Variants in ATP6V0C observed in about 807,000 individuals in gnomAD.
The protein encoded by ATP6V0C is V-type proton ATPase 16 kDa proteolipid subunit c.
Under a neutral mutation model 10.6 loss-of-function variants are expected in ATP6V0C, and 2 were observed. The ratio of observed to expected loss-of-function variants is 0.19; its 90% CI spans 0.08 to 0.59. ATP6V0C has a LOEUF of 0.59. Among genes scored for constraint, ATP6V0C ranks in the 20% least tolerant of loss-of-function variants. The pLI, the probability that ATP6V0C is intolerant of heterozygous loss-of-function variation, is 0.90. For missense variants in ATP6V0C, 89 were observed against 225.9 expected (o/e 0.39, Z 3.88); for synonymous variants, 128 against 101.3 (o/e 1.26, Z -1.59).
At chr16:2,517,196 T>A (rs2065880913) in intron 1 of ATP6V0C, 1 of 152,362 alleles carries the variant, frequency 6.6e-6, no homozygotes, top group Non-Finnish European at 1.5e-5. Context: ...TCTATATGCT[T>A]GCCAGGGAAA....
intron 1 of ATP6V0C, among the ~76,000 whole-genome samples, chr16:2,516,300 G>T (rs1389587688): frequency 6.6e-6 from 1 of 151,822 alleles, no homozygotes; most frequent in Non-Finnish European, 1.5e-5. Context: ...TTAGAGACAG[G>T]GTCTCGCCAT....
At chr16:2,514,229 G>C (rs1430664053) in intron 1 of ATP6V0C, 47 bp downstream of exon 1, 11 of 1,498,670 alleles carry the variant, frequency 7.3e-6, no homozygotes, top group Non-Finnish European at 9.8e-6. Flanking sequence ...CGCGCGCGTT[G>C]CTCATGCCCG....
Position 2,514,203 on chromosome 16 carries a change from G to T in ATP6V0C, c.79+21G>T, listed in dbSNP as rs1054062673. 9 of 1,534,510 alleles carry T rather than the reference G, an allele frequency of 5.9e-6. No individual in the cohort carries two copies. The African/African-American group carries it at 1.3e-4, about 22-fold the overall frequency. On this transcript the variant is annotated intron_variant, in intron 1 of 2. Transcript: ENST00000330398. ...CAGCGGTGAGCGCGGCGGCGGGAGG[G>T]ACTCGGGGGCGGGGGCGCGCGCGTT...
intron 1 of ATP6V0C, 175 bp downstream of exon 1, chr16:2,514,357 C>T (rs1746282685): frequency 1.2e-5 from 6 of 518,992 alleles, no homozygotes; most frequent in East Asian, 4.1e-5. Context: ...CGGGGAGCCG[C>T]CGGGGGTCCG....
Position 2,519,896 on chromosome 16 carries a change from C to A in ATP6V0C, c.*151C>A. On this transcript the variant is annotated 3_prime_UTR_variant, in exon 3 of 3. Coordinates refer to ENST00000330398, the MANE Select transcript of ATP6V0C (RefSeq NM_001694.4). The stretch of plus-strand genomic sequence containing the variant: ...TGTCCTAGTGCCCATCGTCTGTTTC[C>A]CCGGCCTTGCCCCCGCCCGCCCCGT... 1 of 1,135,596 alleles carries A rather than the reference C, an allele frequency of 8.8e-7. No individual in the cohort carries two copies. The highest frequency in any genetic ancestry group is 1.3e-6 in the Non-Finnish European group (1 of 779,456). 70.3% of individuals were successfully genotyped at this position (1,135,596 alleles called of 1,614,324 possible).
chr16:2,515,058 C>G (rs951731972), intron 1 of ATP6V0C, among the ~76,000 whole-genome samples: 1 of 152,026 alleles, frequency 6.6e-6, no homozygotes, highest in Admixed American at 6.6e-5. Context: ...TCCTTTCCCT[C>G]CCTGAGGCCT....
intron 1 of ATP6V0C, chr16:2,517,373 G>A (rs1034604616): frequency 6.6e-6 from 1 of 152,284 alleles, no homozygotes; most frequent in African/African-American, 2.4e-5. Flanking sequence ...TCCCTCTATA[G>A]TCACTCCCTG....
In ATP6V0C at chr16:2,519,590, G is replaced by T; in HGVS notation, c.313G>T (p.Ala105Ser). The T allele has an allele frequency of 6.3e-7, 1 of 1,584,474 alleles. No homozygotes were observed. The highest frequency in any genetic ancestry group is 1.3e-5 in the African/African-American group (1 of 74,398). ...AGLSVGLSGL[A>S]AGFAIGIVGD... ...CCTGAGCGTGGGCCTGAGCGGCCTG[G>T]CAGCCGGCTTTGCCATCGGCATCGT... Residue 105 changes from alanine (A) to serine (S), a missense_variant, in exon 3 of 3, where the codon GCA becomes TCA. Physicochemically the swap from Ala to Ser is moderately conservative, Grantham distance 99. Coordinates refer to ENST00000330398, the MANE Select transcript of ATP6V0C (RefSeq NM_001694.4).
In ATP6V0C at chr16:2,519,959, C is replaced by G. The variant is rs1031272978; in HGVS notation, c.*214C>G. On this transcript the variant is annotated 3_prime_UTR_variant, in exon 3 of 3. Transcript: ENST00000330398. ...TGGGCCCACTCATCGCCCCTCCAGG[C>G]CCCCGGCGCCCCACCCCCTAGAGTG... The G allele has an allele frequency of 8.3e-6, 6 of 721,686 alleles. No individual in the cohort carries two copies. In the Admixed American group the frequency reaches 1.2e-4, roughly 15 times the overall value. The allele number at this position is 721,686 out of a possible 1,614,324, so 44.7% of individuals were successfully genotyped here.
Position 2,519,400 on chromosome 16 carries a change from A to C in ATP6V0C, c.262A>C (p.Lys88Gln). ...CCTGAATGACGACATCAGCCTCTAC[A>C]AGTGAGCACTGGGGTCAGGCCCCTG... ...NSLNDDISLY[K>Q]SFLQLGAGLS... Residue 88 changes from lysine to glutamine, a missense_variant and splice_region_variant, in exon 2 of 3, where the codon AAG becomes CAG. Physicochemically the swap from Lys to Gln is moderately conservative, Grantham distance 53. Around this residue, in one of 4 missense-constraint regions of ATP6V0C, gnomAD observed 20 missense variants for 20.5 expected, o/e 0.98. Transcript: ENST00000330398. 6.2e-7 allele frequency: 1 copy of C among 1,612,326 alleles called. No homozygotes were observed. The highest frequency in any genetic ancestry group is 8.5e-7 in the Non-Finnish European group (1 of 1,178,788).
chr16:2,519,052 T>G (rs1402525796), intron 1 of ATP6V0C, 166 bp from the exon 2 acceptor site: 1 of 741,428 alleles, frequency 1.3e-6, no homozygotes, highest in African/African-American at 1.8e-5. Context: ...TGCCCGTGGC[T>G]GTTCCTCCTG....
rs1003422437 is a variant in ATP6V0C, at chr16:2,513,989, G to C, written c.-115G>C. Reference sequence around the variant, plus strand: ...TGGTATTTAGAGCGCAGCGGCTGACGGGCCGGATCGCCTTCGCCGCCGCCC... The same window carrying C: ...TGGTATTTAGAGCGCAGCGGCTGACCGGCCGGATCGCCTTCGCCGCCGCCC... On this transcript the variant is annotated 5_prime_UTR_variant, in exon 1 of 3. Coordinates refer to ENST00000330398, the MANE Select transcript of ATP6V0C (RefSeq NM_001694.4). 3.0e-4 allele frequency: 278 copies of C among 913,512 alleles called. No individual in the cohort carries two copies. Among genetic ancestry groups the C allele is most frequent in the Non-Finnish European group, 4.2e-4 (257 of 616,222 alleles). The allele number at this position is 913,512 out of a possible 1,614,324, so 56.6% of individuals were successfully genotyped here. A position where few individuals can be genotyped will look rare whatever the true frequency, so the allele number is the denominator to read the frequency against.
Position 2,514,058 on chromosome 16 carries a change from GC to G in ATP6V0C, c.-44del. 1 of 1,488,084 alleles carries G rather than the reference GC, an allele frequency of 6.7e-7. No individual in the cohort carries two copies. Among genetic ancestry groups the G allele is most frequent in the Non-Finnish European group, 9.1e-7 (1 of 1,102,354 alleles). The allele number at this position is 1,488,084 out of a possible 1,614,324, so 92.2% of individuals were successfully genotyped here. On this transcript the variant is annotated 5_prime_UTR_variant, in exon 1 of 3. Transcript: ENST00000330398. ...CCGGCCCGTCCTCGCCCCCGCCTCCGCCACCGCCTCGGCCCGCAGAGCTTGC... is the reference window on the plus strand; with the variant it reads ...CCGGCCCGTCCTCGCCCCCGCCTCCGCACCGCCTCGGCCCGCAGAGCTTGC...
At chr16:2,519,431 G>T (rs778743976) in intron 2 of ATP6V0C, 30 bp downstream of exon 2, 1 of 1,594,770 alleles carries the variant, frequency 6.3e-7, no homozygotes, top group Non-Finnish European at 8.6e-7. Flanking sequence ...CCCTGCCCAG[G>T]GCTGGAGGAC....
chr16:2,516,350 G>C (rs1281923720), intron 1 of ATP6V0C, among the ~76,000 whole-genome samples: 1 of 151,938 alleles, frequency 6.6e-6, no homozygotes. Context: ...TGCCTCAAAC[G>C]ATCCACCTGC....
rs960039747 is a variant in ATP6V0C at position 2,514,008 on chromosome 16, G to A, written c.-96G>A. The A allele has an allele frequency of 1.9e-5, 23 of 1,187,574 alleles. No homozygotes were observed. The highest frequency in any genetic ancestry group is 2.5e-5 in the Non-Finnish European group (21 of 855,316). 73.6% of individuals were successfully genotyped at this position (1,187,574 alleles called of 1,614,324 possible). ...GCTGACGGGCCGGATCGCCTTCGCC[G>A]CCGCCCGCCCGCAAACCTTCGTGCC... On this transcript the variant is annotated 5_prime_UTR_variant, in exon 1 of 3. Coordinates refer to ENST00000330398, the MANE Select transcript of ATP6V0C (RefSeq NM_001694.4).
Position 2,520,152 on chromosome 16 carries a change from G to C in ATP6V0C, c.*407G>C. 3.7e-6 allele frequency: 2 copies of C among 533,514 alleles called. No homozygotes were observed. Among genetic ancestry groups the C allele is most frequent in the South Asian group, 3.5e-5 (2 of 56,388 alleles). 33.0% of individuals were successfully genotyped at this position (533,514 alleles called of 1,614,324 possible). On this transcript the variant is annotated 3_prime_UTR_variant, in exon 3 of 3. Transcript: ENST00000330398. ...TCCTGTTGCTGAGACTTCCTGGATG[G>C]AGCCGCCCTCACCGCCGGGCCCGTG...
Position 2,520,034 on chromosome 16 carries a change from T to G in ATP6V0C, c.*289T>G, listed in dbSNP as rs1180182469. 1 of 661,858 alleles carries G rather than the reference T, an allele frequency of 1.5e-6. No individual in the cohort carries two copies. Among genetic ancestry groups the G allele is most frequent in the Non-Finnish European group, 2.8e-6 (1 of 360,538 alleles). The allele number at this position is 661,858 out of a possible 1,614,324, so 41.0% of individuals were successfully genotyped here. On this transcript the variant is annotated 3_prime_UTR_variant, in exon 3 of 3. Coordinates refer to ENST00000330398, the MANE Select transcript of ATP6V0C (RefSeq NM_001694.4). ...ATTGTCATTTCTCTTTACTGGATGT[T>G]TATTTATAAAGATCTGGCCTGTTCC...
chr16:2,518,058 GC>G (rs2065886027), intron 1 of ATP6V0C: 1 of 152,328 alleles, frequency 6.6e-6, no homozygotes, highest in Non-Finnish European at 1.5e-5. Context: ...GAGCCACTGC[GC>G]CTGGCCAAGT....
Sources: allele counts gnomAD v4.1 joint callset (sites outside exome capture counted in the v4.1 genomes callset), GRCh38; gene constraint gnomAD v4.1.1; regional missense constraint gnomAD v4.1.1; transcripts MANE v1.5; gene names NCBI Gene and HGNC (gene_info 2026-07-23, HGNC 2026-07-21).